UGT1A9: variants seen among roughly 807,000 people sequenced by gnomAD.
The protein encoded by UGT1A9 is UDP glucuronosyltransferase family 1 member A9, also known as UDP-glucuronosyltransferase 1A9.
UGT1A9 carries 35 observed loss-of-function variants against 45.0 expected under a neutral mutation model. The observed-to-expected ratio is 0.78, with a 90% CI of 0.59 to 1.03. The LOEUF is 1.03. Among genes scored for constraint, UGT1A9 ranks in the 50% least tolerant of loss-of-function variants. The probability of loss-of-function intolerance (pLI) is 0.00; values close to 1 mark genes in which losing one functional copy is unlikely to be tolerated. For missense variants in UGT1A9, 687 were observed against 666.6 expected, an observed-to-expected ratio of 1.03 and a Z score of -0.34; for synonymous variants, 278 against 250.6, an observed-to-expected ratio of 1.11 and a Z score of -1.03.
intron 1 of UGT1A9, chr2:233,730,074 A>G: frequency 6.2e-7 from 1 of 1,607,274 alleles, no homozygotes; most frequent in African/African-American, 1.3e-5. Context: ...AATTGCTTCC[A>G]TATTTACTTA....
At chr2:233,701,436 G>A (rs897816113) in intron 1 of UGT1A9, among the ~76,000 whole-genome samples, 72 of 152,132 alleles carry the variant, frequency 4.7e-4, no homozygotes, top group Non-Finnish European at 8.1e-4. Context: ...ACAGATCAAC[G>A]AGACAGAAAG....
chr2:233,738,092 G>A (rs994009191), intron 1 of UGT1A9, among the ~76,000 whole-genome samples: 1 of 152,196 alleles, frequency 6.6e-6, no homozygotes, highest in African/African-American at 2.4e-5. Context: ...ATCATAGTGA[G>A]TGAGTTCTTA....
intron 1 of UGT1A9, among the ~76,000 whole-genome samples, chr2:233,697,448 C>G (rs780047517): frequency 9.4e-5 from 14 of 149,256 alleles, no homozygotes; most frequent in Admixed American, 3.3e-4. Context: ...CTGATTTTAT[C>G]TGAGTGTTTT....
rs1474978405 is a variant in UGT1A9, at chr2:233,736,640, C to A, written c.856-30394C>A. 3.3e-5 allele frequency among the ~76,000 whole-genome samples: 5 copies of A among 152,206 alleles called. No individual in the cohort carries two copies. In the South Asian group the frequency reaches 1.0e-3, roughly 32 times the overall value. ...TCAGCTTTTCTGCTCTAGTTTCCCC[C>A]CATCTTTGTGGTTTTATGTACCTTA... On this transcript the variant is annotated intron_variant, in intron 1 of 4. Coordinates refer to ENST00000354728, the MANE Select transcript of UGT1A9 (RefSeq NM_021027.3).
chr2:233,704,004 C>T, intron 1 of UGT1A9, among the ~76,000 whole-genome samples: 1 of 152,074 alleles, frequency 6.6e-6, no homozygotes, highest in East Asian at 1.9e-4. Flanking sequence ...AGTTCTCCCA[C>T]CTCAGCCGCC....
rs3064744 is a variant in UGT1A9, at chr2:233,760,233, C to CAT, written c.856-6787_856-6786dup. 448,036 of 1,466,600 alleles carry CAT rather than the reference C, an allele frequency of 0.31. 31,217 individuals are homozygous for CAT. The highest frequency in any genetic ancestry group is 0.38 in the African/African-American group (27,001 of 71,942). The allele number at this position is 1,466,600 out of a possible 1,614,324, so 90.8% of individuals were successfully genotyped here. ...ACTTGGTGTATCGATTGGTTTTTGC[C>CAT]ATATATATATATATAAGTAGGAGAG... On this transcript the variant is annotated intron_variant, in intron 1 of 4. Coordinates refer to ENST00000354728, the MANE Select transcript of UGT1A9 (RefSeq NM_021027.3).
chr2:233,721,483 T>C (rs977271860), intron 1 of UGT1A9: 7 of 174,698 alleles, frequency 4.0e-5, no homozygotes, highest in African/African-American at 1.7e-4. Context: ...ATCATTCTTA[T>C]TATTTTAGTT....
chr2:233,678,559 A>T (rs1002783535), intron 1 of UGT1A9, among the ~76,000 whole-genome samples: 1 of 152,202 alleles, frequency 6.6e-6, no homozygotes, highest in Non-Finnish European at 1.5e-5. Flanking sequence ...GCTTTTATAC[A>T]GTACTAATCC....
At chr2:233,747,568 A>G in intron 1 of UGT1A9, 5 of 1,592,710 alleles carry the variant, frequency 3.1e-6, no homozygotes, top group Non-Finnish European at 3.4e-6. Flanking sequence ...ATTTTGAAAA[A>G]TTCATCTTTG....
chr2:233,729,457 T>C, intron 1 of UGT1A9: 1 of 1,614,120 alleles, frequency 6.2e-7, no homozygotes, highest in Non-Finnish European at 8.5e-7. Flanking sequence ...GAAGAAATTT[T>C]TCAGAAGTAT....
chr2:233,682,237 ACCATTG>A, intron 1 of UGT1A9: 1 of 1,614,202 alleles, frequency 6.2e-7, no homozygotes, highest in Non-Finnish European at 8.5e-7. Flanking sequence ...GCTGGACGGC[ACCATTG>A]CGAAGTGCAT....
chr2:233,765,533 A>G (rs1474506324), intron 1 of UGT1A9, among the ~76,000 whole-genome samples: 2 of 151,964 alleles, frequency 1.3e-5, no homozygotes, highest in African/African-American at 4.8e-5. Flanking sequence ...GCATGTTCTC[A>G]CTCATAAGTG....
intron 1 of UGT1A9, among the ~76,000 whole-genome samples, chr2:233,723,789 T>G (rs1237220769): frequency 4.1e-5 from 2 of 49,208 alleles, no homozygotes; most frequent in Non-Finnish European, 6.9e-5. Flanking sequence ...TGCACCGCCC[T>G]TAATCCATTT....
chr2:233,696,161 G>GA (rs943531214), intron 1 of UGT1A9, among the ~76,000 whole-genome samples: 5 of 151,944 alleles, frequency 3.3e-5, no homozygotes, highest in African/African-American at 4.8e-5. Context: ...ATATCCAAAA[G>GA]AAAAAAATAT....
Position 233,769,816 on chromosome 2 carries a change from C to A in UGT1A9, c.1295+1377C>A. On this transcript the variant is annotated intron_variant, in intron 4 of 4. Transcript: ENST00000354728. The surrounding 1 kb of genome is among the most constrained non-coding windows in gnomAD (Gnocchi z 4.4). ...GCTGCTATGAGCCGTGATCATGCCA[C>A]TGCACTCCAGCAACCTGGGCAACAG... 2.2e-6 allele frequency: 2 copies of A among 922,022 alleles called. No individual in the cohort carries two copies. The highest frequency in any genetic ancestry group is 1.5e-6 in the Non-Finnish European group (1 of 663,950). The allele number at this position is 922,022 out of a possible 1,614,324, so 57.1% of individuals were successfully genotyped here. A position where few individuals can be genotyped will look rare whatever the true frequency, so the allele number is the denominator to read the frequency against.
intron 1 of UGT1A9, among the ~76,000 whole-genome samples, chr2:233,712,293 G>A (rs1484888784): frequency 6.6e-6 from 1 of 152,208 alleles, no homozygotes; most frequent in African/African-American, 2.4e-5. Context: ...TTCTTCCATG[G>A]TGTAGATGGA....
intron 1 of UGT1A9, chr2:233,691,707 C>G: frequency 1.1e-6 from 1 of 940,490 alleles, no homozygotes; most frequent in Non-Finnish European, 1.3e-6. Flanking sequence ...GAGTCACTCC[C>G]CTGGCAGATG....
chr2:233,750,566 C>G (rs575907211), intron 1 of UGT1A9: 1 of 151,898 alleles, frequency 6.6e-6, no homozygotes, highest in Admixed American at 6.5e-5. Context: ...TGCAGCAGAC[C>G]CTCCCATCAC....
intron 1 of UGT1A9, chr2:233,708,774 A>G (rs2076040935): frequency 6.7e-6 from 1 of 149,962 alleles, no homozygotes; most frequent in South Asian, 2.1e-4. Context: ...CCCCAAATCA[A>G]TGCAACCTGT....
Sources: allele counts gnomAD v4.1 joint callset (sites outside exome capture counted in the v4.1 genomes callset), GRCh38; gene constraint gnomAD v4.1.1; non-coding constraint Gnocchi (gnomAD v3.1); transcripts MANE v1.5; gene names NCBI Gene and HGNC (gene_info 2026-07-23, HGNC 2026-07-21).